Variants in FGGY observed in about 807,000 individuals in gnomAD.
FGGY encodes the protein FGGY carbohydrate kinase domain containing, also known as FGGY carbohydrate kinase domain-containing protein.
Under a neutral mutation model 71.3 loss-of-function variants are expected in FGGY, and 72 were observed. That is an observed-to-expected ratio of 1.01 (90% CI 0.84 to 1.23). The LOEUF (loss-of-function observed/expected upper bound fraction) is 1.23, where lower values mean the gene tolerates loss of function less well. FGGY is among the 50% of genes most tolerant of loss of function. FGGY has a pLI of 0.00. For missense variants in FGGY, 668 were observed against 682.3 expected (o/e 0.98, Z 0.23); for synonymous variants, 251 against 250.3 (o/e 1.00, Z -0.02).
intron 14 of FGGY, among the ~76,000 whole-genome samples, chr1:59,732,445 C>T (rs1351456337): frequency 3.3e-5 from 5 of 152,166 alleles, no homozygotes; most frequent in Non-Finnish European, 5.9e-5. Flanking sequence ...GTTCTAGATA[C>T]AAGCAGCTGC....
intron 8 of FGGY, among the ~76,000 whole-genome samples, chr1:59,588,753 AC>A (rs2096364486): frequency 6.6e-6 from 1 of 152,210 alleles, no homozygotes; most frequent in African/African-American, 2.4e-5. Flanking sequence ...AGATTTTGTC[AC>A]CACCAGGCCT....
At chr1:59,415,804 C>T (rs550613854) in intron 5 of FGGY, among the ~76,000 whole-genome samples, 23 of 152,340 alleles carry the variant, frequency 1.5e-4, no homozygotes, top group East Asian at 5.8e-4. Context: ...TTCTACCACA[C>T]GGCTACTGGA....
chr1:59,731,305 C>A (rs1233646562), intron 14 of FGGY, among the ~76,000 whole-genome samples: 1 of 152,150 alleles, frequency 6.6e-6, no homozygotes, highest in African/African-American at 2.4e-5. Flanking sequence ...GCTCTTTAAA[C>A]CTCAGCCCAG....
chr1:59,588,522 T>C (rs1211089954), intron 8 of FGGY, among the ~76,000 whole-genome samples: 2 of 152,066 alleles, frequency 1.3e-5, no homozygotes, highest in South Asian at 2.1e-4. Flanking sequence ...GGAAAAAATA[T>C]TAAGGGCAGC....
chr1:59,745,613 C>T lies in FGGY; in HGVS notation c.1513-12318C>T, dbSNP rs531813365. On this transcript the variant is annotated intron_variant, in intron 14 of 15. Coordinates refer to ENST00000303721, the MANE Select transcript of FGGY (RefSeq NM_018291.5). ...CAGTCTCCCATTGGCCTGCTCCTTC[C>T]GAAGCAGATTTTGTCCCTTGTAGCC... is the stretch of plus-strand genomic sequence containing the variant. 5.1e-4 allele frequency among the ~76,000 whole-genome samples: 77 copies of T among 152,278 alleles called. 2 individuals are homozygous for T. Among genetic ancestry groups the T allele is most frequent in the Middle Eastern group, 3.4e-3 (1 of 294 alleles).
At chr1:59,389,239 C>T (rs2153373100) in intron 5 of FGGY, among the ~76,000 whole-genome samples, 1 of 152,318 alleles carries the variant, frequency 6.6e-6, no homozygotes. Flanking sequence ...ATCCCTCCCT[C>T]TCCCCTCTTA....
chr1:59,371,808 A>G (rs2057696553), intron 4 of FGGY, among the ~76,000 whole-genome samples: 1 of 152,172 alleles, frequency 6.6e-6, no homozygotes, highest in Non-Finnish European at 1.5e-5. Flanking sequence ...CTGAATGACT[A>G]CTGGGTACAT....
chr1:59,427,095 A>G (rs1024311187), intron 5 of FGGY, among the ~76,000 whole-genome samples: 4 of 152,232 alleles, frequency 2.6e-5, no homozygotes, highest in African/African-American at 9.6e-5. Context: ...GAATCAACGA[A>G]CACACAAAAA....
At chr1:59,445,737 T>TA (rs1375396158) in intron 5 of FGGY, among the ~76,000 whole-genome samples, 1 of 152,144 alleles carries the variant, frequency 6.6e-6, no homozygotes. Context: ...TTTCCTTTGT[T>TA]AAAAAAAGGA....
At chr1:59,517,544 G>T (rs918527062) in intron 7 of FGGY, among the ~76,000 whole-genome samples, 2 of 152,056 alleles carry the variant, frequency 1.3e-5, no homozygotes, top group African/African-American at 4.8e-5. Context: ...CTCTTATCTG[G>T]CAGACAGACT....
At chr1:59,584,643 C>A (rs1210783298) in intron 8 of FGGY, among the ~76,000 whole-genome samples, 1 of 149,908 alleles carries the variant, frequency 6.7e-6, no homozygotes, top group Non-Finnish European at 1.5e-5. Context: ...CACTGCTATT[C>A]AACGTAGTGT....
chr1:59,491,693 C>CT (rs5774472), intron 6 of FGGY, among the ~76,000 whole-genome samples: 28 of 145,610 alleles, frequency 1.9e-4, no homozygotes, highest in East Asian at 4.1e-4. Flanking sequence ...TTTAGCTGTT[C>CT]TTTTTTTTTT....
intron 5 of FGGY, among the ~76,000 whole-genome samples, chr1:59,451,711 T>A (rs1557968513): frequency 6.6e-6 from 1 of 152,172 alleles, no homozygotes; most frequent in Non-Finnish European, 1.5e-5. Flanking sequence ...ATGAGTTTAC[T>A]TTTTGAATCC....
At chr1:59,742,568 C>T (rs1057203589) in intron 14 of FGGY, among the ~76,000 whole-genome samples, 3 of 152,244 alleles carry the variant, frequency 2.0e-5, no homozygotes, top group African/African-American at 7.2e-5. Context: ...ATTTATATGC[C>T]AGCAGGTTTA....
chr1:59,377,545 A>T (rs531699873), intron 4 of FGGY, among the ~76,000 whole-genome samples: 1 of 152,326 alleles, frequency 6.6e-6, no homozygotes, highest in Admixed American at 6.5e-5. Context: ...GGTACCTCCT[A>T]TGACACTTGG....
intron 14 of FGGY, among the ~76,000 whole-genome samples, chr1:59,726,622 CA>C (rs1416420379): frequency 9.2e-5 from 14 of 152,070 alleles, no homozygotes; most frequent in African/African-American, 3.4e-4. Flanking sequence ...CAGCTCTATT[CA>C]GATGATTTAT....
intron 4 of FGGY, among the ~76,000 whole-genome samples, chr1:59,365,337 G>C (rs1247955575): frequency 6.6e-6 from 1 of 152,134 alleles, no homozygotes; most frequent in Non-Finnish European, 1.5e-5. Context: ...GAGAGTGAGA[G>C]GTTGAGGAAG....
At chr1:59,685,773 T>C (rs72666278) in intron 14 of FGGY, among the ~76,000 whole-genome samples, 2 of 152,290 alleles carry the variant, frequency 1.3e-5, no homozygotes, top group Admixed American at 1.3e-4. Flanking sequence ...TATTTTTTTT[T>C]AAATGAGGTC....
chr1:59,674,623 A>G (rs529420281), intron 14 of FGGY, among the ~76,000 whole-genome samples: 2 of 152,332 alleles, frequency 1.3e-5, no homozygotes, highest in Non-Finnish European at 2.9e-5. Flanking sequence ...GAAGGAAACA[A>G]TTTGGTGGCT....
Sources: gnomAD v4.1 joint callset for allele counts (sites outside exome capture counted in the v4.1 genomes callset) on GRCh38, gnomAD v4.1.1 for gene constraint, MANE v1.5 for transcripts, NCBI Gene and HGNC (gene_info 2026-07-23, HGNC 2026-07-21) for gene names.